The following CENPW variants were observed in gnomAD, a reference collection of about 807,000 sequenced individuals.
The protein encoded by CENPW is centromere protein W, also known as cancer-up-regulated gene 2 protein.
Under a neutral mutation model 11.1 loss-of-function variants are expected in CENPW, and 3 were observed. The ratio of observed to expected loss-of-function variants is 0.27; its 90% confidence interval spans 0.12 to 0.70. CENPW has a LOEUF of 0.70. Among genes scored for constraint, CENPW ranks in the 30% least tolerant of loss-of-function variants. The pLI, the probability that CENPW is intolerant of heterozygous loss-of-function variation, is 0.77. For missense variants in CENPW, 100 were observed against 105.6 expected, an observed-to-expected ratio of 0.95 and a Z score of 0.23; for synonymous variants, 38 against 42.0, an observed-to-expected ratio of 0.91 and a Z score of 0.37.
In CENPW at chr6:126,340,329, G is replaced by T; in HGVS notation, c.56G>T (p.Arg19Leu). 1.2e-6 allele frequency: 2 copies of T among 1,614,056 alleles called. No individual in the cohort carries two copies. Among genetic ancestry groups the T allele is most frequent in the East Asian group, 2.2e-5 (1 of 44,870 alleles). Residue 19 changes from arginine to leucine, a missense_variant, in exon 1 of 3, where the codon CGT (arginine) becomes CTT (leucine). Physicochemically the swap from Arg to Leu is moderately radical, Grantham distance 102. Transcript: ENST00000368328. ...QRKQIKRKAP[R>L]GFLKRVFKRK... is the part of the protein sequence containing the mutation. ...AAGCAGATAAAGCGGAAGGCTCCCC[G>T]TGGCTTTCTAAAGCGAGTCTTCAAG...
the CENPW span, among the ~76,000 whole-genome samples, chr6:126,393,813 T>C: frequency 6.6e-6 from 1 of 150,732 alleles, no homozygotes; most frequent in South Asian, 2.1e-4. Context: ...TATATATAAA[T>C]ACATGTGCAT....
the CENPW span, among the ~76,000 whole-genome samples, chr6:126,461,920 G>A: frequency 3.3e-5 from 5 of 151,784 alleles, no homozygotes; most frequent in Admixed American, 1.3e-4. Context: ...TACTCTTTAG[G>A]AATCATTGTC....
At chr6:126,416,362 T>C in the CENPW span, among the ~76,000 whole-genome samples, 6 of 152,088 alleles carry the variant, frequency 3.9e-5, no homozygotes, top group African/African-American at 1.2e-4. Flanking sequence ...GTTTGGAAAA[T>C]TTGCAGCCTG....
chr6:126,355,800 A>G, the CENPW span, among the ~76,000 whole-genome samples: 6 of 152,170 alleles, frequency 3.9e-5, no homozygotes, highest in Admixed American at 3.9e-4. Flanking sequence ...GTATTTTGCC[A>G]ATCAGAATGG....
chr6:126,476,510 C>A, the CENPW span, among the ~76,000 whole-genome samples: 5 of 151,720 alleles, frequency 3.3e-5, no homozygotes, highest in African/African-American at 1.2e-4. Context: ...TAAAGTTAAA[C>A]CTGCAATGAA....
At chr6:126,479,916 A>G in the CENPW span, among the ~76,000 whole-genome samples, 9 of 151,874 alleles carry the variant, frequency 5.9e-5, no homozygotes, top group Non-Finnish European at 1.2e-4. Context: ...CATTTTCCCA[A>G]TGCTTTTCCT....
the CENPW span, among the ~76,000 whole-genome samples, chr6:126,439,773 G>A: frequency 6.6e-6 from 1 of 151,428 alleles, no homozygotes; most frequent in Non-Finnish European, 1.5e-5. Flanking sequence ...TATACTTCAG[G>A]CCATTTCCAA....
chr6:126,450,254 C>T, the CENPW span, among the ~76,000 whole-genome samples: 6 of 151,124 alleles, frequency 4.0e-5, no homozygotes, highest in East Asian at 1.9e-4. Flanking sequence ...AAATCACTTT[C>T]GGCATTTGTT....
the CENPW span, among the ~76,000 whole-genome samples, chr6:126,451,449 C>G: frequency 6.6e-6 from 1 of 151,170 alleles, no homozygotes; most frequent in Admixed American, 6.6e-5. Flanking sequence ...AGAGAGATCT[C>G]TAGGAAAAGC....
At chr6:126,386,050 T>C in the CENPW span, among the ~76,000 whole-genome samples, 1 of 152,084 alleles carries the variant, frequency 6.6e-6, no homozygotes, top group African/African-American at 2.4e-5. Flanking sequence ...AAATATAGAA[T>C]ATTATAACAG....
At chr6:126,426,658 A>C in the CENPW span, among the ~76,000 whole-genome samples, 2 of 152,174 alleles carry the variant, frequency 1.3e-5, no homozygotes, top group African/African-American at 4.8e-5. Context: ...TTCAGGACCA[A>C]TTAGATATTC....
the CENPW span, among the ~76,000 whole-genome samples, chr6:126,409,666 CTTTTAGTCTTT>C: frequency 7.2e-5 from 11 of 151,968 alleles, no homozygotes; most frequent in South Asian, 2.1e-3. Flanking sequence ...ATATAATGAT[CTTTTAGTCTTT>C]TTTTAGTCTT....
the CENPW span, among the ~76,000 whole-genome samples, chr6:126,425,517 G>A: frequency 6.6e-6 from 1 of 151,980 alleles, no homozygotes; most frequent in Non-Finnish European, 1.5e-5. Context: ...TAATCATTAA[G>A]GACCGTAAAC....
At chr6:126,409,222 T>C in the CENPW span, among the ~76,000 whole-genome samples, 1 of 152,192 alleles carries the variant, frequency 6.6e-6, no homozygotes, top group Admixed American at 6.5e-5. Flanking sequence ...AATTTCCATA[T>C]ATTTGTACCT....
the CENPW span, among the ~76,000 whole-genome samples, chr6:126,457,601 CT>C: frequency 6.6e-6 from 1 of 151,256 alleles, no homozygotes; most frequent in African/African-American, 2.4e-5. Flanking sequence ...TCAGAAGAGG[CT>C]TTATCAGCGT....
the CENPW span, among the ~76,000 whole-genome samples, chr6:126,462,558 A>ACACG: frequency 5.4e-3 from 809 of 149,318 alleles, 3 homozygotes; most frequent in African/African-American, 0.019. Flanking sequence ...ACACACACAC[A>ACACG]CGCATCTTCT....
At chr6:126,475,103 CTTA>C in the CENPW span, among the ~76,000 whole-genome samples, 5 of 152,014 alleles carry the variant, frequency 3.3e-5, no homozygotes, top group East Asian at 7.7e-4. Flanking sequence ...TTTAAAATTT[CTTA>C]TTTTTATTTC....
the CENPW span, among the ~76,000 whole-genome samples, chr6:126,384,571 A>G: frequency 2.0e-5 from 3 of 152,202 alleles, no homozygotes; most frequent in Non-Finnish European, 4.4e-5. Flanking sequence ...CTGGTTAGCC[A>G]TATGCAGAAA....
the CENPW span, among the ~76,000 whole-genome samples, chr6:126,454,617 G>A: frequency 6.6e-6 from 1 of 151,126 alleles, no homozygotes; most frequent in Non-Finnish European, 1.5e-5. Flanking sequence ...TATCAAAAAA[G>A]TTAGAAAGAT....
Sources: gnomAD v4.1 joint callset for allele counts (sites outside exome capture counted in the v4.1 genomes callset) on GRCh38, gnomAD v4.1.1 for gene constraint, MANE v1.5 for transcripts, NCBI Gene and HGNC (gene_info 2026-07-23, HGNC 2026-07-21) for gene names.